Variants in PDE7A observed in about 807,000 individuals in gnomAD.
The protein encoded by PDE7A is high affinity 3',5'-cyclic-AMP phosphodiesterase 7A.
Under a neutral mutation model 64.3 loss-of-function variants are expected in PDE7A, and 39 were observed. The ratio of observed to expected loss-of-function variants is 0.61; its 90% CI spans 0.47 to 0.79. PDE7A has a LOEUF of 0.79. Ranked by LOEUF, PDE7A falls within the 30% of genes least tolerant of loss-of-function variation. PDE7A has a pLI of 0.00. For synonymous variants in PDE7A, 203 were observed against 206.8 expected, an observed-to-expected ratio of 0.98 and a Z score of 0.16; for missense variants, 470 against 582.8, an observed-to-expected ratio of 0.81 and a Z score of 1.99.
At chr8:65,721,110 CCT>C (rs139682764) in intron 12 of PDE7A, among the ~76,000 whole-genome samples, 2,757 of 152,158 alleles carry the variant, frequency 0.018, 24 homozygotes, top group African/African-American at 0.024. Context: ...CATGGACCAG[CCT>C]CTCTCTTGGA....
intron 1 of PDE7A, among the ~76,000 whole-genome samples, chr8:65,823,710 T>C (rs1810597303): frequency 1.3e-5 from 2 of 152,182 alleles, no homozygotes; most frequent in African/African-American, 4.8e-5. Flanking sequence ...TTACTGACAA[T>C]TAGCCAATGC....
At chr8:65,829,764 T>C (rs564974699) in intron 1 of PDE7A, among the ~76,000 whole-genome samples, 2 of 152,186 alleles carry the variant, frequency 1.3e-5, no homozygotes, top group South Asian at 4.1e-4. Context: ...TGATGAAGTA[T>C]GGAAACCCAG....
chr8:65,830,189 T>C (rs1810780418), intron 1 of PDE7A, among the ~76,000 whole-genome samples: 1 of 152,132 alleles, frequency 6.6e-6, no homozygotes, highest in African/African-American at 2.4e-5. Context: ...CTTCAATATA[T>C]TCATGTTGAG....
intron 1 of PDE7A, among the ~76,000 whole-genome samples, chr8:65,813,758 G>C (rs1810311482): frequency 6.6e-6 from 1 of 152,004 alleles, no homozygotes; most frequent in Non-Finnish European, 1.5e-5. Context: ...AGATATTCTT[G>C]CAAAAATTCT....
At position 65,841,418 on chromosome 8, in the gene PDE7A, A is replaced by G; in HGVS notation, c.91T>C (p.Ser31Pro). 1.9e-6 allele frequency: 3 copies of G among 1,563,310 alleles called. No homozygotes were observed. Among genetic ancestry groups the G allele is most frequent in the Non-Finnish European group, 2.6e-6 (3 of 1,159,578 alleles). The change falls in exon 1 of 13, where the codon TCC (serine) becomes CCC (proline). Residue 31 changes from serine (S) to proline (P), a missense_variant. Ser to Pro is a moderately conservative substitution (Grantham distance 74). Transcript: ENST00000401827. ...GGGCAGCCGAAGAGAGCGGAGCTGG[A>G]GCTGAAGCTGATGGCTCCTCGGCGG... ...LSRRGAISFS[S>P]SSALFGCPNP...
chr8:65,774,165 G>A (rs944478126), intron 3 of PDE7A, among the ~76,000 whole-genome samples: 1 of 152,106 alleles, frequency 6.6e-6, no homozygotes, highest in Non-Finnish European at 1.5e-5. Context: ...TTTCTGCTAC[G>A]TTATTGCAGA....
At chr8:65,750,976 C>A (rs1807923641) in intron 3 of PDE7A, among the ~76,000 whole-genome samples, 1 of 152,150 alleles carries the variant, frequency 6.6e-6, no homozygotes, top group Non-Finnish European at 1.5e-5. Context: ...ATAAAGAAAC[C>A]TACATAACAG....
chr8:65,766,381 G>C (rs1358953477), intron 3 of PDE7A, among the ~76,000 whole-genome samples: 2 of 152,182 alleles, frequency 1.3e-5, no homozygotes, highest in East Asian at 1.9e-4. Context: ...GAATATTTGC[G>C]ACTCTTACTT....
intron 1 of PDE7A, among the ~76,000 whole-genome samples, chr8:65,821,806 T>C (rs1190802919): frequency 6.6e-6 from 1 of 152,252 alleles, no homozygotes; most frequent in Non-Finnish European, 1.5e-5. Flanking sequence ...TTTGATTACA[T>C]GTTAAATTGA....
intron 3 of PDE7A, among the ~76,000 whole-genome samples, chr8:65,764,793 CA>C (rs1375924716): frequency 6.6e-6 from 1 of 152,068 alleles, no homozygotes; most frequent in Non-Finnish European, 1.5e-5. Context: ...GAAACAACTC[CA>C]AATCAAATAC....
At chr8:65,822,720 T>C (rs1810572364) in intron 1 of PDE7A, among the ~76,000 whole-genome samples, 1 of 152,142 alleles carries the variant, frequency 6.6e-6, no homozygotes, top group Non-Finnish European at 1.5e-5. Flanking sequence ...TGAGGGCAAC[T>C]GGACTCAGGA....
At chr8:65,795,605 A>T (rs901644063) in intron 1 of PDE7A, among the ~76,000 whole-genome samples, 5 of 152,190 alleles carry the variant, frequency 3.3e-5, no homozygotes, top group Admixed American at 6.5e-5. Flanking sequence ...GACATTCCAT[A>T]GAGATTCCAG....
intron 1 of PDE7A, among the ~76,000 whole-genome samples, chr8:65,800,987 A>T (rs1809972244): frequency 6.6e-6 from 1 of 152,158 alleles, no homozygotes; most frequent in Non-Finnish European, 1.5e-5. Flanking sequence ...ACACTGACTT[A>T]GTAGTCAAAA....
intron 1 of PDE7A, among the ~76,000 whole-genome samples, chr8:65,785,666 C>T (rs1809533470): frequency 6.6e-6 from 1 of 152,058 alleles, no homozygotes; most frequent in South Asian, 2.1e-4. Flanking sequence ...ATAAATATTC[C>T]TATCAGCTAA....
chr8:65,770,107 C>T (rs558903777), intron 3 of PDE7A, among the ~76,000 whole-genome samples: 20 of 148,386 alleles, frequency 1.3e-4, no homozygotes, highest in Admixed American at 4.1e-4. Flanking sequence ...TGTCTTATTA[C>T]TTGCAGTATA....
intron 1 of PDE7A, among the ~76,000 whole-genome samples, chr8:65,822,625 T>G (rs1180838785): frequency 6.6e-6 from 1 of 152,208 alleles, no homozygotes; most frequent in African/African-American, 2.4e-5. Flanking sequence ...AGGTCAGCTG[T>G]GCTAAGAGTT....
chr8:65,820,175 C>T (rs186923045), intron 1 of PDE7A, among the ~76,000 whole-genome samples: 1 of 152,334 alleles, frequency 6.6e-6, no homozygotes, highest in African/African-American at 2.4e-5. Flanking sequence ...GCAGGTGGAT[C>T]ACTTGAGGTC....
chr8:65,772,916 G>A (rs541364687), intron 3 of PDE7A, among the ~76,000 whole-genome samples: 1 of 152,166 alleles, frequency 6.6e-6, no homozygotes, highest in Non-Finnish European at 1.5e-5. Context: ...GCTGAGGTGG[G>A]AGAATCACTT....
At chr8:65,759,327 CCT>C (rs533193449) in intron 3 of PDE7A, among the ~76,000 whole-genome samples, 38 of 152,282 alleles carry the variant, frequency 2.5e-4, no homozygotes, top group African/African-American at 6.5e-4. Flanking sequence ...GGGGGAAACC[CCT>C]GAGGCCAAGA....
Sources: gnomAD v4.1 joint callset for allele counts (sites outside exome capture counted in the v4.1 genomes callset) on GRCh38, gnomAD v4.1.1 for gene constraint, MANE v1.5 for transcripts, NCBI Gene and HGNC (gene_info 2026-07-23, HGNC 2026-07-21) for gene names.